Variants in UNC5D observed in about 807,000 individuals in gnomAD.
UNC5D encodes netrin receptor UNC5D.
A neutral mutation model predicts 105.4 loss-of-function variants in UNC5D; 39 were observed. The observed-to-expected ratio is 0.37, with a 90% CI of 0.29 to 0.48. UNC5D has a LOEUF of 0.48. Ranked by LOEUF, UNC5D falls within the 20% of genes least tolerant of loss-of-function variation. UNC5D has a pLI of 0.98. For synonymous variants in UNC5D, 452 were observed against 450.4 expected, an observed-to-expected ratio of 1.00 and a Z score of -0.04; for missense variants, 991 against 1,202.4, an observed-to-expected ratio of 0.82 and a Z score of 2.60.
chr8:35,298,299 A>G (rs542882070), intron 1 of UNC5D, among the ~76,000 whole-genome samples: 33 of 152,248 alleles, frequency 2.2e-4, no homozygotes, highest in African/African-American at 7.5e-4. Context: ...ACTCTTAAGC[A>G]TACCCTATCC....
At chr8:35,290,919 G>A in intron 1 of UNC5D, among the ~76,000 whole-genome samples, 1 of 148,490 alleles carries the variant, frequency 6.7e-6, no homozygotes. Flanking sequence ...TTGCACTCCA[G>A]CCTGGGCGAC....
chr8:35,290,573 T>C lies in UNC5D; in HGVS notation c.103+54686T>C, dbSNP rs1806972961. On this transcript the variant is annotated intron_variant, in intron 1 of 16. Transcript: ENST00000404895. Reference sequence around the variant, plus strand: ...AGAGTAGGTTTTAATATCTATTGCATAGCAAGGCATCTATAGTCAATAATA... The same window carrying C: ...AGAGTAGGTTTTAATATCTATTGCACAGCAAGGCATCTATAGTCAATAATA... Among the ~76,000 whole-genome samples the C allele has an allele frequency of 3.3e-5, 5 of 152,258 alleles. No individual in the cohort carries two copies. In the South Asian group the frequency reaches 8.3e-4, roughly 25 times the overall value.
intron 1 of UNC5D, among the ~76,000 whole-genome samples, chr8:35,425,458 C>T (rs7828218): frequency 6.6e-6 from 1 of 151,920 alleles, no homozygotes. Flanking sequence ...GTAAACTCTC[C>T]GAGACCCCCA....
intron 8 of UNC5D, chr8:35,721,551 T>C: frequency 1.4e-6 from 1 of 702,324 alleles, no homozygotes; most frequent in Admixed American, 2.0e-5. Flanking sequence ...TTAATTGGTG[T>C]CAGAAAACAT....
intron 1 of UNC5D, among the ~76,000 whole-genome samples, chr8:35,378,790 G>A (rs969877440): frequency 8.5e-5 from 13 of 152,188 alleles, no homozygotes; most frequent in Non-Finnish European, 1.8e-4. Context: ...AAGGTCCTGT[G>A]GCCTAACAGG....
chr8:35,724,608 C>T (rs1415297875), intron 9 of UNC5D, among the ~76,000 whole-genome samples: 1 of 152,108 alleles, frequency 6.6e-6, no homozygotes, highest in East Asian at 1.9e-4. Context: ...AGGCATTTCC[C>T]GCTCAAGTGC....
chr8:35,369,262 A>G (rs1298009008), intron 1 of UNC5D, among the ~76,000 whole-genome samples: 4 of 152,180 alleles, frequency 2.6e-5, no homozygotes, highest in Non-Finnish European at 4.4e-5. Context: ...CAGGCCTCCT[A>G]TACCATTTGT....
At chr8:35,238,098 A>G (rs1802584075) in intron 1 of UNC5D, among the ~76,000 whole-genome samples, 1 of 152,224 alleles carries the variant, frequency 6.6e-6, no homozygotes, top group African/African-American at 2.4e-5. Context: ...GTTGATTTGA[A>G]ACAAGATACT....
chr8:35,756,930 C>T (rs1028343014), intron 13 of UNC5D, among the ~76,000 whole-genome samples: 3 of 152,038 alleles, frequency 2.0e-5, no homozygotes, highest in Admixed American at 6.6e-5. Flanking sequence ...AAGCCTAGTT[C>T]GAATACACTT....
chr8:35,423,155 A>G (rs1221487029), intron 1 of UNC5D, among the ~76,000 whole-genome samples: 1 of 152,220 alleles, frequency 6.6e-6, no homozygotes, highest in African/African-American at 2.4e-5. Context: ...TGCATGGAGA[A>G]CAGGTCTTAT....
At chr8:35,686,498 G>A (rs1005632938) in intron 6 of UNC5D, 47 bp from the exon 7 acceptor site, 19 of 1,501,978 alleles carry the variant, frequency 1.3e-5, no homozygotes, top group African/African-American at 5.7e-5. Context: ...TCTCCTGACC[G>A]CTACTTGATT....
chr8:35,321,125 A>C (rs1563310952), intron 1 of UNC5D, among the ~76,000 whole-genome samples: 1 of 152,108 alleles, frequency 6.6e-6, no homozygotes, highest in East Asian at 1.9e-4. Flanking sequence ...GGTTGATAGG[A>C]CTTTATAACC....
chr8:35,326,863 G>A (rs1310953507), intron 1 of UNC5D, among the ~76,000 whole-genome samples: 1 of 152,156 alleles, frequency 6.6e-6, no homozygotes, highest in Non-Finnish European at 1.5e-5. Context: ...GGGAGGCACT[G>A]CACTGGTGCG....
intron 1 of UNC5D, among the ~76,000 whole-genome samples, chr8:35,361,813 A>G (rs185140238): frequency 6.6e-6 from 1 of 152,336 alleles, no homozygotes; most frequent in African/African-American, 2.4e-5. Flanking sequence ...GACCTCGAAT[A>G]TAATTCTGCC....
chr8:35,749,162 T>C (rs976216738), intron 12 of UNC5D, among the ~76,000 whole-genome samples: 2 of 151,882 alleles, frequency 1.3e-5, no homozygotes, highest in Non-Finnish European at 2.9e-5. Flanking sequence ...GGCTTAATAT[T>C]TTTTTTTAGT....
chr8:35,512,074 T>A (rs1812749065), intron 1 of UNC5D, among the ~76,000 whole-genome samples: 1 of 152,184 alleles, frequency 6.6e-6, no homozygotes, highest in South Asian at 2.1e-4. Context: ...ACTGAGGTAC[T>A]ATGGTTCTAA....
At chr8:35,632,187 T>C (rs993727182) in intron 4 of UNC5D, among the ~76,000 whole-genome samples, 4 of 152,214 alleles carry the variant, frequency 2.6e-5, no homozygotes, top group East Asian at 3.8e-4. Flanking sequence ...ATGCATTCAT[T>C]TGGGGCAGAA....
chr8:35,276,206 A>G (rs536996126), intron 1 of UNC5D, among the ~76,000 whole-genome samples: 10 of 152,248 alleles, frequency 6.6e-5, no homozygotes, highest in East Asian at 1.9e-4. Context: ...ACATGATAAC[A>G]GCAGTAAGCT....
chr8:35,334,673 C>T (rs1396343816), intron 1 of UNC5D, among the ~76,000 whole-genome samples: 4 of 152,056 alleles, frequency 2.6e-5, no homozygotes, highest in East Asian at 1.9e-4. Context: ...CCACCATGCC[C>T]GGCTAATTTT....
Sources: gnomAD v4.1 joint callset for allele counts (sites outside exome capture counted in the v4.1 genomes callset) on GRCh38, gnomAD v4.1.1 for gene constraint, MANE v1.5 for transcripts, NCBI Gene and HGNC (gene_info 2026-07-23, HGNC 2026-07-21) for gene names.